IPO4: variants seen among roughly 807,000 people sequenced by gnomAD.
IPO4 encodes importin 4.
Under a neutral mutation model 133.5 loss-of-function variants are expected in IPO4, and 91 were observed. The ratio of observed to expected loss-of-function variants is 0.68; its 90% CI spans 0.58 to 0.81. IPO4 has a LOEUF of 0.81. IPO4 is among the 30% of genes least tolerant of loss of function. IPO4 has a pLI of 0.00. For missense variants in IPO4, 1,279 were observed against 1,386.2 expected (o/e 0.92, Z 1.23); for synonymous variants, 607 against 581.6 (o/e 1.04, Z -0.63).
chr14:24,182,183 A>G lies in IPO4; in HGVS notation c.2599-20T>C. ...CTGTTTCTGATGGGGGAGAACAGGA[A>G]GGAGTACAGATCAGCCTGGGCCAAG... On this transcript the variant is annotated intron_variant, in intron 25 of 29. Coordinates refer to ENST00000354464, the MANE Select transcript of IPO4 (RefSeq NM_024658.4). 1 of 1,614,076 alleles carries G rather than the reference A, an allele frequency of 6.2e-7. No individual in the cohort carries two copies.
In IPO4 at chr14:24,185,317, G is replaced by A. The variant is rs1347615173; in HGVS notation, c.1279-5C>T. On this transcript the variant is annotated splice_polypyrimidine_tract_variant and splice_region_variant and intron_variant, in intron 13 of 29. Coordinates refer to ENST00000354464, the MANE Select transcript of IPO4 (RefSeq NM_024658.4). ...TGAATAGCTGCTGATATGGGGCTGG[G>A]GGAGGGAGCAAGCAGGGCCTGAGTC... 2 of 1,614,092 alleles carry A rather than the reference G, an allele frequency of 1.2e-6. No individual in the cohort carries two copies. The highest frequency in any genetic ancestry group is 1.7e-6 in the Non-Finnish European group (2 of 1,179,948).
Position 24,183,771 on chromosome 14 carries a change from A to T in IPO4, c.1985+12T>A. The stretch of plus-strand genomic sequence containing the variant: ...AGTCTAGATTCCTGATCAGAAGAGC[A>T]CCCCTCCGCACCCTGAGATCTCTGA... On this transcript the variant is annotated intron_variant, in intron 19 of 29. Transcript: ENST00000354464. 6.2e-7 allele frequency: 1 copy of T among 1,614,042 alleles called. No individual in the cohort carries two copies.
Position 24,185,889 on chromosome 14 carries a change from C to G in IPO4, c.1141G>C (p.Asp381His). ...TGCCTGATGTGGTCGCCAGCTCCGT[C>G]AGACAGCACGGCCAGCACCAGGAGT... Reference protein sequence around the residue: ...AGLLVLAVLSDGAGDHIRQRL... With the variant: ...AGLLVLAVLSHGAGDHIRQRL... Residue 381 changes from aspartate (D) to histidine (H), a missense_variant, in exon 12 of 30, where the codon GAC becomes CAC. Transcript: ENST00000354464. 6.2e-7 allele frequency: 1 copy of G among 1,613,972 alleles called. No homozygotes were observed. Among genetic ancestry groups the G allele is most frequent in the South Asian group, 1.1e-5 (1 of 91,088 alleles).
chr14:24,181,934 C>T (rs1370574291), intron 26 of IPO4, 21 bp downstream of exon 26: 10 of 1,609,340 alleles, frequency 6.2e-6, no homozygotes, highest in East Asian at 2.2e-5. Context: ...CAGTCCCTCC[C>T]GTCCTGCGAG....
chr14:24,186,066 T>G, intron 11 of IPO4, 63 bp downstream of exon 11: 29 of 1,602,826 alleles, frequency 1.8e-5, no homozygotes, highest in Non-Finnish European at 2.4e-5. Flanking sequence ...TAAACGTCGT[T>G]GGCCTCAGGG....
At chr14:24,183,754 T>C (rs2039176825) in intron 19 of IPO4, 29 bp downstream of exon 19, 1 of 1,614,062 alleles carries the variant, frequency 6.2e-7, no homozygotes, top group South Asian at 1.1e-5. Context: ...AAAGTCTAGA[T>C]TCCTGATCAG....
chr14:24,186,511 A>G, intron 9 of IPO4, 60 bp from the exon 10 acceptor site: 3 of 1,514,748 alleles, frequency 2.0e-6, no homozygotes, highest in Non-Finnish European at 2.7e-6. Context: ...GGCTCACATT[A>G]AAAATTCCAG....
chr14:24,181,076 T>C (rs993714128), intron 28 of IPO4, among the ~76,000 whole-genome samples: 5 of 152,198 alleles, frequency 3.3e-5, no homozygotes, highest in African/African-American at 1.2e-4. Flanking sequence ...ACAAACACTC[T>C]GACATGACTC....
At position 24,181,546 on chromosome 14, in the gene IPO4, G is replaced by A; in HGVS notation, c.3012C>T (p.Leu1004=). ...DLEEWVTIGR[L]FSFLYQSSPD... is the part of the protein sequence containing the mutation. The stretch of plus-strand genomic sequence containing the variant: ...GGCTGCTCTGGTACAGGAAGCTGAA[G>A]AGGCGCCCAATGGTGACCCACTCCT... The change falls in exon 28 of 30, where the codon CTC becomes CTT. Residue 1004 remains leucine, a synonymous_variant. Transcript: ENST00000354464. The A allele has an allele frequency of 2.5e-6, 4 of 1,590,060 alleles. No individual in the cohort carries two copies. Among genetic ancestry groups the A allele is most frequent in the Non-Finnish European group, 2.6e-6 (3 of 1,167,988 alleles).
rs1298484715 is a variant in IPO4 at position 24,186,990 on chromosome 14, A to G, written c.655-11T>C. ...CTCACAGGCCTTTGCCTGACAGACA[A>G]ACAAGGCACAAGGTTACCATGCTCT... On this transcript the variant is annotated splice_polypyrimidine_tract_variant and intron_variant, in intron 7 of 29. Coordinates refer to ENST00000354464, the MANE Select transcript of IPO4 (RefSeq NM_024658.4). 6.2e-7 allele frequency: 1 copy of G among 1,613,304 alleles called. No individual in the cohort carries two copies. Among genetic ancestry groups the G allele is most frequent in the Non-Finnish European group, 8.5e-7 (1 of 1,179,394 alleles).
In IPO4 at chr14:24,182,270, ACACT is replaced by A. The variant is rs2039152437; in HGVS notation, c.2598+4_2598+7del. The A allele has an allele frequency of 6.2e-7, 1 of 1,614,028 alleles. No homozygotes were observed. Among genetic ancestry groups the A allele is most frequent in the South Asian group, 1.1e-5 (1 of 91,088 alleles). Reference sequence around the variant, plus strand: ...ACTAGGGCTTGAAGCCAGAAGATGGACACTCACTGTCTTGCACACCAATAATGGC... The same window carrying A: ...ACTAGGGCTTGAAGCCAGAAGATGGACACTGTCTTGCACACCAATAATGGC... On this transcript the variant is annotated splice_donor_5th_base_variant and intron_variant, in intron 25 of 29. Coordinates refer to ENST00000354464, the MANE Select transcript of IPO4 (RefSeq NM_024658.4).
chr14:24,187,328 T>C, intron 6 of IPO4, 72 bp downstream of exon 6: 1 of 1,563,598 alleles, frequency 6.4e-7, no homozygotes, highest in Non-Finnish European at 8.8e-7. Context: ...AAAGCAGCTT[T>C]GTAACTTTTA....
Position 24,180,276 on chromosome 14 carries a change from G to C in IPO4, c.*166C>G, listed in dbSNP as rs749801587. On this transcript the variant is annotated 3_prime_UTR_variant, in exon 30 of 30. Coordinates refer to ENST00000354464, the MANE Select transcript of IPO4 (RefSeq NM_024658.4). ...TACAGTATGATGTCATGACTCATTTGTAACAGATCCAGCCTCAGGGACAGC... is the reference window on the plus strand; with the variant it reads ...TACAGTATGATGTCATGACTCATTTCTAACAGATCCAGCCTCAGGGACAGC... 6.5e-7 allele frequency: 1 copy of C among 1,532,592 alleles called. No individual in the cohort carries two copies. The highest frequency in any genetic ancestry group is 8.8e-7 in the Non-Finnish European group (1 of 1,135,374). The allele number at this position is 1,532,592 out of a possible 1,614,324, so 94.9% of individuals were successfully genotyped here.
chr14:24,184,147 C>T, intron 17 of IPO4, 38 bp from the exon 18 acceptor site: 2 of 1,596,884 alleles, frequency 1.3e-6, no homozygotes, highest in Middle Eastern at 4.1e-4. Context: ...AAGGTCCTGC[C>T]TGCTACCACC....
intron 24 of IPO4, 116 bp from the exon 25 acceptor site, chr14:24,182,519 C>A: frequency 1.4e-6 from 2 of 1,406,962 alleles, no homozygotes; most frequent in Non-Finnish European, 1.9e-6. Flanking sequence ...GTTGATAGGG[C>A]TGGCCCCTCT....
chr14:24,186,860 T>A lies in IPO4; in HGVS notation c.756+18A>T. The A allele has an allele frequency of 1.9e-6, 3 of 1,612,226 alleles. No individual in the cohort carries two copies. The highest frequency in any genetic ancestry group is 2.5e-6 in the Non-Finnish European group (3 of 1,178,298). On this transcript the variant is annotated intron_variant, in intron 8 of 29. Coordinates refer to ENST00000354464, the MANE Select transcript of IPO4 (RefSeq NM_024658.4). Reference sequence around the variant, plus strand: ...CCAGCAGAGCATGTAGCAGGGGCCATGTCCACTCCAGGCTCACCTCCAGGC... The same window carrying A: ...CCAGCAGAGCATGTAGCAGGGGCCAAGTCCACTCCAGGCTCACCTCCAGGC...
chr14:24,185,611 T>C (rs755336133), intron 12 of IPO4, 44 bp from the exon 13 acceptor site: 2 of 1,531,134 alleles, frequency 1.3e-6, no homozygotes, highest in Middle Eastern at 1.7e-4. Context: ...AAGCTACACC[T>C]GAGAGCCCTA....
chr14:24,188,518 T>C (rs1328540584), intron 2 of IPO4, 34 bp downstream of exon 2: 1 of 1,608,156 alleles, frequency 6.2e-7, no homozygotes, highest in South Asian at 1.1e-5. Flanking sequence ...TGGCGTACAG[T>C]GGGAAGCTCG....
At chr14:24,187,820 C>G in intron 4 of IPO4, 24 bp from the exon 5 acceptor site, 2 of 1,613,548 alleles carry the variant, frequency 1.2e-6, no homozygotes, top group South Asian at 1.1e-5. Flanking sequence ...AGATCTCCTC[C>G]AATCACCCTT....
Sources: gnomAD v4.1 joint callset for allele counts (sites outside exome capture counted in the v4.1 genomes callset) on GRCh38, gnomAD v4.1.1 for gene constraint, MANE v1.5 for transcripts, NCBI Gene and HGNC (gene_info 2026-07-23, HGNC 2026-07-21) for gene names.